Variants in UBXN4 observed in about 807,000 individuals in gnomAD.
UBXN4 encodes UBX domain-containing protein 4.
In UBXN4, 35 loss-of-function variants were observed where a neutral mutation model predicts 66.2. The ratio of observed to expected loss-of-function variants is 0.53; its 90% CI spans 0.40 to 0.70. The LOEUF (loss-of-function observed/expected upper bound fraction) is 0.70. UBXN4 is among the 30% of genes least tolerant of loss of function. The pLI is 0.00. For missense variants in UBXN4, 533 were observed against 599.8 expected (o/e 0.89, Z 1.16); for synonymous variants, 203 against 204.5 (o/e 0.99, Z 0.06).
At chr2:135,778,188 AC>A (rs373639528) in intron 10 of UBXN4, among the ~76,000 whole-genome samples, 14,738 of 138,722 alleles carry the variant, frequency 0.11, 730 homozygotes, top group Middle Eastern at 0.26. Flanking sequence ...AAAAAAAAAA[AC>A]AAAAAAAAAC....
chr2:135,752,854 G>A lies in UBXN4; in HGVS notation c.186-685G>A, dbSNP rs551698187. Among the ~76,000 whole-genome samples the A allele has an allele frequency of 3.3e-5, 5 of 151,742 alleles. No homozygotes were observed. In the East Asian group the frequency reaches 5.9e-4, roughly 18 times the overall value. ...TCTTGCCTCAGCCTCCTGAGTAGCC[G>A]GGATTACAGGTGTGTGCCACCACGC... On this transcript the variant is annotated intron_variant, in intron 2 of 12. Coordinates refer to ENST00000272638, the MANE Select transcript of UBXN4 (RefSeq NM_014607.4).
chr2:135,780,257 T>G lies in UBXN4; in HGVS notation c.1260T>G (p.Tyr420Ter). ...DIWTLLGTVLYPFLAIWRLIS... is the reference protein window; with the variant it reads ...DIWTLLGTVL The stretch of plus-strand genomic sequence containing the variant: ...GGACCTTGTTGGGAACAGTGCTTTA[T>G]CCATTCCTTGCCATCTGGAGATTAA... The change falls in exon 12 of 13, where the codon TAT becomes TAG. Residue 420 changes from tyrosine to a stop codon, truncating the protein, a stop_gained. Coordinates refer to ENST00000272638, the MANE Select transcript of UBXN4 (RefSeq NM_014607.4). LOFTEE classifies it high-confidence loss of function. The G allele has an allele frequency of 6.2e-7, 1 of 1,614,196 alleles. No individual in the cohort carries two copies.
intron 10 of UBXN4, among the ~76,000 whole-genome samples, chr2:135,777,625 G>A (rs1165947639): frequency 6.6e-6 from 1 of 152,126 alleles, no homozygotes; most frequent in Admixed American, 6.6e-5. Flanking sequence ...GGTGGCTCAC[G>A]CCTGTAATCC....
intron 6 of UBXN4, among the ~76,000 whole-genome samples, chr2:135,765,757 C>T (rs1288087260): frequency 1.3e-5 from 2 of 151,870 alleles, no homozygotes; most frequent in Admixed American, 6.6e-5. Context: ...GGTCTGTGGG[C>T]TTTGAGCAGG....
chr2:135,769,635 A>G (rs1015451522), intron 6 of UBXN4, 134 bp from the exon 7 acceptor site: 6 of 625,204 alleles, frequency 9.6e-6, no homozygotes, highest in Middle Eastern at 4.7e-4. Flanking sequence ...AGCCAGGCAG[A>G]TAAATAGTTG....
chr2:135,759,155 C>T (rs918992570), intron 5 of UBXN4, among the ~76,000 whole-genome samples: 3 of 152,082 alleles, frequency 2.0e-5, no homozygotes, highest in Admixed American at 1.3e-4. Context: ...TCAGTGATTC[C>T]CATTATTTGC....
intron 2 of UBXN4, among the ~76,000 whole-genome samples, chr2:135,749,756 ATTAC>A (rs2077231107): frequency 1.3e-5 from 2 of 152,168 alleles, no homozygotes; most frequent in African/African-American, 4.8e-5. Context: ...TCATAGTTTT[ATTAC>A]TTTATTGCAG....
chr2:135,773,959 G>A (rs1223841787), intron 9 of UBXN4, among the ~76,000 whole-genome samples: 1 of 152,170 alleles, frequency 6.6e-6, no homozygotes, highest in African/African-American at 2.4e-5. Context: ...TCCCTAAACT[G>A]ATCTAACTGA....
intron 9 of UBXN4, among the ~76,000 whole-genome samples, chr2:135,772,978 A>G (rs1016923031): frequency 1.4e-5 from 2 of 140,688 alleles, no homozygotes; most frequent in East Asian, 2.3e-4. Flanking sequence ...CGGAGCTTGC[A>G]GTGAGCCGAG....
intron 4 of UBXN4, among the ~76,000 whole-genome samples, chr2:135,754,578 C>T (rs1455018282): frequency 6.6e-6 from 1 of 151,952 alleles, no homozygotes; most frequent in African/African-American, 2.4e-5. Context: ...CCGCCTCGGC[C>T]TCCCAAAGTG....
chr2:135,753,044 A>C (rs1291094650), intron 2 of UBXN4, among the ~76,000 whole-genome samples: 1 of 97,888 alleles, frequency 1.0e-5, no homozygotes, highest in African/African-American at 4.4e-5. Flanking sequence ...TTTTTTTGAG[A>C]CAGAGTTTTG....
chr2:135,745,484 G>A (rs2077201727), intron 1 of UBXN4, among the ~76,000 whole-genome samples: 1 of 152,012 alleles, frequency 6.6e-6, no homozygotes, highest in South Asian at 2.1e-4. Context: ...TAAAAATTTT[G>A]TATACCATTA....
intron 6 of UBXN4, among the ~76,000 whole-genome samples, chr2:135,762,336 A>G (rs1448850729): frequency 6.6e-6 from 1 of 152,194 alleles, no homozygotes; most frequent in Non-Finnish European, 1.5e-5. Flanking sequence ...AATCAGATAC[A>G]AATTTCTGGC....
Position 135,754,280 on chromosome 2 carries a change from A to G in UBXN4, c.333+3A>G. ...CAAGAATTCACAAGGTCCGACAGGT[A>G]AGAAGGAACAGAACTGTTGTTTCCG... On this transcript the variant is annotated splice_donor_region_variant and intron_variant, in intron 4 of 12. Coordinates refer to ENST00000272638, the MANE Select transcript of UBXN4 (RefSeq NM_014607.4). The G allele has an allele frequency of 6.2e-7, 1 of 1,605,452 alleles. No individual in the cohort carries two copies. The highest frequency in any genetic ancestry group is 8.5e-7 in the Non-Finnish European group (1 of 1,172,672).
intron 5 of UBXN4, 46 bp downstream of exon 5, chr2:135,755,737 T>C: frequency 8.6e-7 from 1 of 1,166,860 alleles, no homozygotes; most frequent in East Asian, 2.9e-5. Flanking sequence ...GCTCCTTCAC[T>C]ACATTTTAAT....
chr2:135,742,877 T>G (rs754267967), intron 1 of UBXN4: 5 of 151,710 alleles, frequency 3.3e-5, no homozygotes, highest in Non-Finnish European at 5.9e-5. Context: ...CTTTGTTGTC[T>G]TCTTAGGCTA....
chr2:135,780,483 C>T (rs534113974), intron 12 of UBXN4, 98 bp downstream of exon 12: 4 of 1,094,754 alleles, frequency 3.7e-6, no homozygotes, highest in Admixed American at 3.9e-5. Context: ...TGTATATGTC[C>T]TCTCCAGTTC....
Position 135,784,721 on chromosome 2 carries a change from G to C in UBXN4, c.*1834G>C, listed in dbSNP as rs1283976336. ...GGTGTGACCCTACTAATAATTATTAGAAATACATTTAAAAACATCGAGTAC... is the reference window on the plus strand; with the variant it reads ...GGTGTGACCCTACTAATAATTATTACAAATACATTTAAAAACATCGAGTAC... On this transcript the variant is annotated 3_prime_UTR_variant, in exon 13 of 13. Transcript: ENST00000272638. 6.6e-6 allele frequency: 1 copy of C among 152,562 alleles called. No individual in the cohort carries two copies. The highest frequency in any genetic ancestry group is 1.5e-5 in the Non-Finnish European group (1 of 68,028). The allele number at this position is 152,562 out of a possible 1,614,324, so 9.5% of individuals were successfully genotyped here. A position where few individuals can be genotyped will look rare whatever the true frequency, so the allele number is the denominator to read the frequency against.
intron 11 of UBXN4, 136 bp from the exon 12 acceptor site, chr2:135,780,047 G>T (rs1001917324): frequency 4.2e-6 from 3 of 713,824 alleles, no homozygotes; most frequent in Non-Finnish European, 6.9e-6. Context: ...AACAGCAAAA[G>T]ATATCATTTT....
Sources: gnomAD v4.1 joint callset for allele counts (sites outside exome capture counted in the v4.1 genomes callset) on GRCh38, gnomAD v4.1.1 for gene constraint, MANE v1.5 for transcripts, NCBI Gene and HGNC (gene_info 2026-07-23, HGNC 2026-07-21) for gene names.